Variants in DPYD observed in about 807,000 individuals in gnomAD.
The protein encoded by DPYD is dihydropyrimidine dehydrogenase.
DPYD carries 109 observed loss-of-function variants against 116.2 expected under a neutral mutation model. The observed-to-expected ratio is 0.94, with a 90% confidence interval of 0.80 to 1.10. DPYD has a LOEUF of 1.10. Ranked by LOEUF, DPYD falls within the 50% of genes least tolerant of loss-of-function variation. The pLI, the probability that DPYD is intolerant of heterozygous loss-of-function variation, is 0.00. For missense variants in DPYD, 1,302 were observed against 1,254.5 expected, an observed-to-expected ratio of 1.04 and a Z score of -0.57; for synonymous variants, 440 against 432.0, an observed-to-expected ratio of 1.02 and a Z score of -0.23.
At chr1:97,832,995 G>GAAAAAAAAAAAAAAA (rs1161903108) in intron 2 of DPYD, among the ~76,000 whole-genome samples, 3 of 59,000 alleles carry the variant, frequency 5.1e-5, no homozygotes, top group African/African-American at 6.2e-5. Context: ...AAGAGGCAAA[G>GAAAAAAAAAAAAAAA]AAAAAAAAAA....
At chr1:97,436,477 T>C (rs1675478443) in intron 14 of DPYD, among the ~76,000 whole-genome samples, 1 of 146,870 alleles carries the variant, frequency 6.8e-6, no homozygotes, top group Non-Finnish European at 1.6e-5. Context: ...CCCCAGGGTC[T>C]CTTTCACATG....
chr1:97,476,800 G>C (rs1677992463), intron 13 of DPYD, among the ~76,000 whole-genome samples: 1 of 151,808 alleles, frequency 6.6e-6, no homozygotes, highest in Non-Finnish European at 1.5e-5. Context: ...TTCAGTTCCA[G>C]ACCATCACAA....
intron 13 of DPYD, among the ~76,000 whole-genome samples, chr1:97,468,207 T>G (rs903240964): frequency 6.6e-6 from 1 of 152,246 alleles, no homozygotes; most frequent in Non-Finnish European, 1.5e-5. Context: ...GCTTTCTTAC[T>G]GCTACTTACA....
chr1:97,535,576 TAAGGAA>T (rs1649934608), intron 12 of DPYD, among the ~76,000 whole-genome samples: 2 of 152,206 alleles, frequency 1.3e-5, no homozygotes, highest in African/African-American at 4.8e-5. Flanking sequence ...GCTATATGGG[TAAGGAA>T]ATATTCTGTC....
At chr1:97,544,597 A>C (rs1289016825) in intron 12 of DPYD, among the ~76,000 whole-genome samples, 1 of 152,100 alleles carries the variant, frequency 6.6e-6, no homozygotes, top group African/African-American at 2.4e-5. Flanking sequence ...CATTACATGG[A>C]AGTAAAATAA....
chr1:97,689,656 A>T (rs770210505), intron 7 of DPYD, among the ~76,000 whole-genome samples: 1 of 152,024 alleles, frequency 6.6e-6, no homozygotes, highest in Non-Finnish European at 1.5e-5. Context: ...TTTAAAATAT[A>T]TATTAGTTGA....
chr1:97,426,663 G>T (rs577536247), intron 14 of DPYD, among the ~76,000 whole-genome samples: 54 of 152,208 alleles, frequency 3.5e-4, no homozygotes, highest in Middle Eastern at 6.8e-3. Flanking sequence ...ATGGAAACTA[G>T]TGACTTCTAT....
At chr1:97,248,246 G>A (rs569946346) in intron 18 of DPYD, among the ~76,000 whole-genome samples, 15 of 152,294 alleles carry the variant, frequency 9.8e-5, no homozygotes, top group Admixed American at 2.6e-4. Context: ...CACTTCCCAC[G>A]TGTTGTGGGA....
chr1:97,485,046 TGAG>T (rs1174008184), intron 13 of DPYD, among the ~76,000 whole-genome samples: 1 of 152,184 alleles, frequency 6.6e-6, no homozygotes, highest in Non-Finnish European at 1.5e-5. Context: ...ATGAGTGTAA[TGAG>T]GAGTTTCTGT....
At chr1:97,093,818 A>T (rs955904332) in intron 21 of DPYD, among the ~76,000 whole-genome samples, 4 of 152,146 alleles carry the variant, frequency 2.6e-5, no homozygotes, top group Admixed American at 2.0e-4. Flanking sequence ...TGTTAAAATG[A>T]CACTGGGAAG....
chr1:97,488,341 T>C lies in DPYD; in HGVS notation c.1740+27385A>G, dbSNP rs1252378138. Among the ~76,000 whole-genome samples, 6 of 152,280 alleles carry C rather than the reference T, an allele frequency of 3.9e-5. 1 individual carries two copies. The highest frequency in any genetic ancestry group is 3.3e-4 in the Admixed American group (5 of 15,288). On this transcript the variant is annotated intron_variant, in intron 13 of 22. Coordinates refer to ENST00000370192, the MANE Select transcript of DPYD (RefSeq NM_000110.4). Reference sequence around the variant, plus strand: ...GTTATGTGAGGGTTGCTTGTGATGATAGAACTGTTCTTTATCTTGGCTGTG... The same window carrying C: ...GTTATGTGAGGGTTGCTTGTGATGACAGAACTGTTCTTTATCTTGGCTGTG...
At chr1:97,432,514 AT>A (rs945519333) in intron 14 of DPYD, among the ~76,000 whole-genome samples, 98 of 149,924 alleles carry the variant, frequency 6.5e-4, no homozygotes, top group Admixed American at 2.1e-3. Context: ...CTCCCACTAG[AT>A]TTTTTTTTTC....
At chr1:97,193,363 C>A in intron 19 of DPYD, 115 bp from the exon 20 acceptor site, 1 of 1,070,298 alleles carries the variant, frequency 9.3e-7, no homozygotes, top group Non-Finnish European at 1.4e-6. Flanking sequence ...CTGTTTGAGG[C>A]ATGATGGATC....
intron 13 of DPYD, among the ~76,000 whole-genome samples, chr1:97,472,149 G>A (rs1677699878): frequency 6.6e-6 from 1 of 152,144 alleles, no homozygotes; most frequent in Non-Finnish European, 1.5e-5. Flanking sequence ...GGGATAATGT[G>A]CACAATAATT....
chr1:97,316,961 T>C (rs1667891494), intron 16 of DPYD, among the ~76,000 whole-genome samples: 1 of 151,890 alleles, frequency 6.6e-6, no homozygotes, highest in South Asian at 2.1e-4. Flanking sequence ...AAACCAAGAT[T>C]GACACAGGTT....
intron 4 of DPYD, among the ~76,000 whole-genome samples, chr1:97,736,519 T>C (rs981513735): frequency 1.3e-5 from 2 of 152,042 alleles, no homozygotes; most frequent in African/African-American, 4.8e-5. Flanking sequence ...TAATCCAATA[T>C]TGACTAAATA....
At chr1:97,416,074 T>C (rs1008703337) in intron 14 of DPYD, among the ~76,000 whole-genome samples, 3 of 152,180 alleles carry the variant, frequency 2.0e-5, no homozygotes, top group African/African-American at 7.2e-5. Context: ...AGAAATCCAA[T>C]AATATTAATG....
chr1:97,204,370 A>C (rs1659451467), intron 19 of DPYD, among the ~76,000 whole-genome samples: 2 of 152,164 alleles, frequency 1.3e-5, no homozygotes, highest in African/African-American at 4.8e-5. Context: ...CCTGGTCTTC[A>C]GCTACAAAAG....
chr1:97,756,294 C>A (rs958137556), intron 3 of DPYD, among the ~76,000 whole-genome samples: 2 of 152,104 alleles, frequency 1.3e-5, no homozygotes. Context: ...CCCATTTGCA[C>A]GATGAGTTAC....
Sources: gnomAD v4.1 joint callset for allele counts (sites outside exome capture counted in the v4.1 genomes callset) on GRCh38, gnomAD v4.1.1 for gene constraint, MANE v1.5 for transcripts, NCBI Gene and HGNC (gene_info 2026-07-23, HGNC 2026-07-21) for gene names.